The following ELAVL2 variants were observed in gnomAD, a reference collection of about 807,000 sequenced individuals.
The protein encoded by ELAVL2 is ELAV-like protein 2.
Under a neutral mutation model 34.6 loss-of-function variants are expected in ELAVL2, and 4 were observed. The ratio of observed to expected loss-of-function variants is 0.12; its 90% CI spans 0.06 to 0.26. ELAVL2 has a LOEUF of 0.26. Ranked by LOEUF, ELAVL2 falls within the 10% of genes least tolerant of loss-of-function variation. The pLI, the probability that ELAVL2 is intolerant of heterozygous loss-of-function variation, is 1.00. For missense variants in ELAVL2, 432 were observed against 442.8 expected, an observed-to-expected ratio of 0.98 and a Z score of 0.22; for synonymous variants, 193 against 154.8, an observed-to-expected ratio of 1.25 and a Z score of -1.83.
intron 1 of ELAVL2, among the ~76,000 whole-genome samples, chr9:23,814,421 C>T (rs1436366072): frequency 6.6e-6 from 1 of 152,124 alleles, no homozygotes; most frequent in Non-Finnish European, 1.5e-5. Flanking sequence ...AGGGCAAGTA[C>T]AGACGCATCC....
intron 5 of ELAVL2, 29 bp from the exon 6 acceptor site, chr9:23,693,515 G>C: frequency 6.2e-7 from 1 of 1,613,882 alleles, no homozygotes; most frequent in Non-Finnish European, 8.5e-7. Context: ...GCAAACTTCA[G>C]TTTTTAATTT....
At position 23,691,406 on chromosome 9, in the gene ELAVL2, A is replaced by G. The variant is rs1482007124; in HGVS notation, c.*1151T>C. 1 of 152,604 alleles carries G rather than the reference A, an allele frequency of 6.6e-6. No individual in the cohort carries two copies. The highest frequency in any genetic ancestry group is 1.9e-4 in the East Asian group (1 of 5,192). 9.5% of individuals were successfully genotyped at this position (152,604 alleles called of 1,614,324 possible). A position where few individuals can be genotyped will look rare whatever the true frequency, so the allele number is the denominator to read the frequency against. ...TTGCTGATTTGCTGCAGTACAAATC[A>G]TGTGCAACGTCTTTTTTCCTTAAGA... On this transcript the variant is annotated 3_prime_UTR_variant, in exon 7 of 7. Transcript: ENST00000397312.
At chr9:23,776,826 C>T (rs1204175819) in intron 1 of ELAVL2, among the ~76,000 whole-genome samples, 3 of 151,108 alleles carry the variant, frequency 2.0e-5, no homozygotes, top group Non-Finnish European at 2.9e-5. Context: ...AGTGTGGACA[C>T]GTATTTGAGA....
intron 1 of ELAVL2, among the ~76,000 whole-genome samples, chr9:23,768,178 T>C (rs889475692): frequency 6.6e-6 from 1 of 152,196 alleles, no homozygotes; most frequent in African/African-American, 2.4e-5. Flanking sequence ...AGAAATCCTG[T>C]ACAACTACTT....
At position 23,742,076 on chromosome 9, in the gene ELAVL2, T is replaced by C. The variant is rs184889101; in HGVS notation, c.230-10951A>G. Among the ~76,000 whole-genome samples the C allele has an allele frequency of 1.6e-3, 237 of 152,256 alleles. 1 individual carries two copies. Among genetic ancestry groups the C allele is most frequent in the African/African-American group, 5.3e-3 (221 of 41,558 alleles). ...AAGTAACTAGAAGGGCAAGAAACCT[T>C]TTGAACCATAATACCCAGAGATTAA... On this transcript the variant is annotated intron_variant, in intron 2 of 6. Coordinates refer to ENST00000397312, the MANE Select transcript of ELAVL2 (RefSeq NM_004432.5).
intron 1 of ELAVL2, among the ~76,000 whole-genome samples, chr9:23,784,830 T>C (rs76827785): frequency 6.6e-6 from 1 of 152,208 alleles, no homozygotes; most frequent in African/African-American, 2.4e-5. Flanking sequence ...AAATTGATCA[T>C]GTACAAGAAA....
intron 5 of ELAVL2, among the ~76,000 whole-genome samples, chr9:23,696,347 C>T (rs778604438): frequency 5.3e-5 from 8 of 152,212 alleles, no homozygotes; most frequent in Middle Eastern, 3.2e-3. Flanking sequence ...TAGCAGTTGG[C>T]AAACTGTAAC....
At chr9:23,806,855 T>A (rs775723229) in intron 1 of ELAVL2, among the ~76,000 whole-genome samples, 1 of 152,136 alleles carries the variant, frequency 6.6e-6, no homozygotes, top group Non-Finnish European at 1.5e-5. Context: ...ATACCTGCTG[T>A]CCCTGTAATG....
intron 3 of ELAVL2, among the ~76,000 whole-genome samples, chr9:23,721,707 C>T (rs2043777613): frequency 6.6e-6 from 1 of 152,178 alleles, no homozygotes. Flanking sequence ...CCTCTGCCTA[C>T]TCAACATAAA....
intron 5 of ELAVL2, among the ~76,000 whole-genome samples, chr9:23,698,224 A>G (rs1025727735): frequency 2.6e-5 from 4 of 152,330 alleles, no homozygotes; most frequent in Middle Eastern, 3.4e-3. Flanking sequence ...TTTAATTCTG[A>G]TATCATGTCC....
chr9:23,727,070 AT>A (rs2045389728), intron 3 of ELAVL2, among the ~76,000 whole-genome samples: 1 of 152,100 alleles, frequency 6.6e-6, no homozygotes, highest in South Asian at 2.1e-4. Context: ...CCTAATGAGA[AT>A]CTTAAAACAT....
intron 1 of ELAVL2, among the ~76,000 whole-genome samples, chr9:23,765,826 T>C (rs1056629519): frequency 2.6e-5 from 4 of 152,132 alleles, no homozygotes; most frequent in African/African-American, 9.7e-5. Flanking sequence ...CGAAATCAAG[T>C]GAACATTTTT....
At chr9:23,720,242 GGCTCA>G (rs2043325158) in intron 3 of ELAVL2, among the ~76,000 whole-genome samples, 4 of 149,442 alleles carry the variant, frequency 2.7e-5, no homozygotes, top group Admixed American at 6.7e-5. Flanking sequence ...GTGTAATCTC[GGCTCA>G]CAGCAACCTC....
intron 1 of ELAVL2, among the ~76,000 whole-genome samples, chr9:23,820,678 G>A (rs1007190707): frequency 6.6e-6 from 1 of 152,216 alleles, no homozygotes; most frequent in African/African-American, 2.4e-5. Context: ...CACTGGAGGA[G>A]CACCTGCCAG....
chr9:23,723,001 C>T (rs2044130300), intron 3 of ELAVL2, among the ~76,000 whole-genome samples: 1 of 152,102 alleles, frequency 6.6e-6, no homozygotes, highest in Non-Finnish European at 1.5e-5. Flanking sequence ...AAAGCCCTAC[C>T]CCACATTCCC....
chr9:23,798,644 CTGCCTT>C (rs1350034175), intron 1 of ELAVL2, among the ~76,000 whole-genome samples: 4 of 152,136 alleles, frequency 2.6e-5, no homozygotes, highest in African/African-American at 9.7e-5. Flanking sequence ...AATATGGATT[CTGCCTT>C]TGTAGGGGGT....
intron 1 of ELAVL2, among the ~76,000 whole-genome samples, chr9:23,816,952 T>C (rs924858799): frequency 2.6e-5 from 4 of 152,228 alleles, no homozygotes; most frequent in South Asian, 4.1e-4. Flanking sequence ...CTGTATTAGA[T>C]TGGCCAACGG....
intron 5 of ELAVL2, 73 bp downstream of exon 5, chr9:23,701,306 A>C (rs575021499): frequency 8.0e-6 from 12 of 1,503,026 alleles, no homozygotes; most frequent in Non-Finnish European, 1.0e-5. Flanking sequence ...CCTGTCAATA[A>C]AAGTACTGGA....
At chr9:23,793,271 C>T (rs866230123) in intron 1 of ELAVL2, among the ~76,000 whole-genome samples, 1 of 152,180 alleles carries the variant, frequency 6.6e-6, no homozygotes, top group Non-Finnish European at 1.5e-5. Context: ...AGGCTTTTAC[C>T]TCCACCAAAT....
Sources: gnomAD v4.1 joint callset for allele counts (sites outside exome capture counted in the v4.1 genomes callset) on GRCh38, gnomAD v4.1.1 for gene constraint, MANE v1.5 for transcripts, NCBI Gene and HGNC (gene_info 2026-07-23, HGNC 2026-07-21) for gene names.